The following FLACC1 variants were observed in gnomAD, a reference collection of about 807,000 sequenced individuals.
The protein encoded by FLACC1 is flagellum-associated coiled-coil domain-containing protein 1.
A neutral mutation model predicts 62.8 loss-of-function variants in FLACC1; 66 were observed. The observed-to-expected ratio is 1.05, with a 90% confidence interval of 0.86 to 1.29. The LOEUF (loss-of-function observed/expected upper bound fraction) is 1.29, where lower values mean the gene tolerates loss of function less well. Among genes scored for constraint, FLACC1 ranks in the 50% most tolerant of loss-of-function variants. FLACC1 has a pLI of 0.00. For missense variants in FLACC1, 452 were observed against 489.1 expected, an observed-to-expected ratio of 0.92 and a Z score of 0.71; for synonymous variants, 156 against 161.0, an observed-to-expected ratio of 0.97 and a Z score of 0.24.
intron 4 of FLACC1, 122 bp downstream of exon 4, chr2:201,348,132 C>T: frequency 1.0e-6 from 1 of 979,060 alleles, no homozygotes. Context: ...TTAACAGCAC[C>T]TCCTCCCAGG....
intron 7 of FLACC1, 138 bp from the exon 8 acceptor site, chr2:201,330,971 CTTTT>C (rs375781288): frequency 9.1e-4 from 385 of 423,886 alleles, no homozygotes; most frequent in East Asian, 1.0e-3. Flanking sequence ...ATTTTTAAAT[CTTTT>C]TTTTTTTTTT....
Position 201,289,691 on chromosome 2 carries a change from C to G in FLACC1, c.1032+5G>C. 1 of 1,613,456 alleles carries G rather than the reference C, an allele frequency of 6.2e-7. No homozygotes were observed. The highest frequency in any genetic ancestry group is 1.1e-5 in the South Asian group (1 of 90,996). ...ACCCCCATCCCCACTCCAGTAGGGA[C>G]TCACCTCTTTCTGGAGTTCCAACTG... On this transcript the variant is annotated splice_donor_5th_base_variant and intron_variant, in intron 13 of 14. Transcript: ENST00000392257.
intron 9 of FLACC1, among the ~76,000 whole-genome samples, chr2:201,328,495 G>A (rs895941446): frequency 1.3e-5 from 2 of 152,076 alleles, no homozygotes; most frequent in Middle Eastern, 3.4e-3. Flanking sequence ...GCACGATCTC[G>A]GCTCACTGCA....
At chr2:201,344,308 C>T in intron 5 of FLACC1, 45 bp from the exon 6 acceptor site, 1 of 1,515,724 alleles carries the variant, frequency 6.6e-7, no homozygotes, top group Non-Finnish European at 9.2e-7. Context: ...GCTTACCATT[C>T]CATGCCATTC....
chr2:201,346,842 G>A lies in FLACC1; in HGVS notation c.235-167C>T, dbSNP rs528539144. Among the ~76,000 whole-genome samples, 4 of 152,206 alleles carry A rather than the reference G, an allele frequency of 2.6e-5. No individual in the cohort carries two copies. Among genetic ancestry groups the A allele is most frequent in the South Asian group, 2.1e-4 (1 of 4,820 alleles). Reference sequence around the variant, plus strand: ...TTATAGCTCATTCTCACATCTCTCCGACTCAAATCTGATGCTTAGCAGGCT... The same window carrying A: ...TTATAGCTCATTCTCACATCTCTCCAACTCAAATCTGATGCTTAGCAGGCT... On this transcript the variant is annotated intron_variant, in intron 4 of 14. Transcript: ENST00000392257. This position sits in a 1 kb window ranked among gnomAD's most constrained non-coding sequence, Gnocchi z 4.0.
intron 12 of FLACC1, among the ~76,000 whole-genome samples, chr2:201,297,559 C>T (rs1389448446): frequency 6.6e-6 from 1 of 152,180 alleles, no homozygotes; most frequent in African/African-American, 2.4e-5. Flanking sequence ...AATGATCAAT[C>T]GCACCTGATA....
chr2:201,306,063 C>A (rs1462972538), intron 11 of FLACC1, among the ~76,000 whole-genome samples: 3 of 150,378 alleles, frequency 2.0e-5, no homozygotes, highest in Non-Finnish European at 4.4e-5. Flanking sequence ...TGCACATGTA[C>A]CCTGGAACTT....
At chr2:201,289,920 T>C in intron 12 of FLACC1, 135 bp from the exon 13 acceptor site, 1 of 1,499,412 alleles carries the variant, frequency 6.7e-7, no homozygotes, top group South Asian at 1.2e-5. Context: ...TCACACCCTG[T>C]CAGTCCTGCC....
intron 7 of FLACC1, among the ~76,000 whole-genome samples, chr2:201,339,800 T>A (rs1264523948): frequency 3.3e-5 from 5 of 152,208 alleles, no homozygotes; most frequent in Non-Finnish European, 5.9e-5. Context: ...TATGCTGGCA[T>A]TAAGTATTAG....
chr2:201,309,905 C>CAAAAAAAAAAAAAAAAAAAAAAAAAAAA (rs1161849891), intron 9 of FLACC1, among the ~76,000 whole-genome samples: 1 of 44,670 alleles, frequency 2.2e-5, no homozygotes. Context: ...GACTCTGTCT[C>CAAAAAAAAAAAAAAAAAAAAAAAAAAAA]AAAAAAAAAA....
rs374138105 is a variant in FLACC1 at position 201,326,351 on chromosome 2, G to A, written c.675+4119C>T. On this transcript the variant is annotated intron_variant, in intron 9 of 14. Transcript: ENST00000392257. The surrounding 1 kb of genome is among the most constrained non-coding windows in gnomAD (Gnocchi z 4.1). ...TAGACAGGAGAAAGAAATAAAGGGC[G>A]TCCAAATTGGAAAAGAAGAAGTCAA... is the stretch of plus-strand genomic sequence containing the variant. Among the ~76,000 whole-genome samples, 9 of 152,124 alleles carry A rather than the reference G, an allele frequency of 5.9e-5. No individual in the cohort carries two copies. Among genetic ancestry groups the A allele is most frequent in the African/African-American group, 1.7e-4 (7 of 41,418 alleles).
intron 9 of FLACC1, among the ~76,000 whole-genome samples, chr2:201,327,005 C>G (rs1357336547): frequency 2.0e-5 from 3 of 152,068 alleles, no homozygotes; most frequent in Admixed American, 6.6e-5. Context: ...AACAGAAAAC[C>G]CAGAAATGAA....
intron 11 of FLACC1, among the ~76,000 whole-genome samples, chr2:201,300,821 G>A (rs1949965743): frequency 6.6e-6 from 1 of 152,312 alleles, no homozygotes; most frequent in Admixed American, 6.5e-5. Context: ...AGGGTCTGGA[G>A]TGGACCTCCA....
At chr2:201,330,049 C>T (rs535090878) in intron 9 of FLACC1, among the ~76,000 whole-genome samples, 1 of 152,080 alleles carries the variant, frequency 6.6e-6, no homozygotes, top group Admixed American at 6.6e-5. Flanking sequence ...AATATCAAGT[C>T]ATTATAAAGG....
intron 1 of FLACC1, among the ~76,000 whole-genome samples, chr2:201,353,428 AATAG>A (rs892696089): frequency 7.9e-5 from 12 of 152,338 alleles, no homozygotes; most frequent in African/African-American, 2.9e-4. Context: ...ATTCCAAAGA[AATAG>A]ATAGCAGAGT....
chr2:201,329,128 C>A (rs1389535113), intron 9 of FLACC1, among the ~76,000 whole-genome samples: 1 of 152,008 alleles, frequency 6.6e-6, no homozygotes, highest in African/African-American at 2.4e-5. Context: ...TATTTCTTGT[C>A]ATAAATAGAA....
intron 6 of FLACC1, 104 bp from the exon 7 acceptor site, chr2:201,342,535 C>A (rs1440405272): frequency 1.8e-6 from 2 of 1,136,032 alleles, no homozygotes; most frequent in Non-Finnish European, 2.6e-6. Flanking sequence ...AGCCGCCTTC[C>A]AATTCATGGG....
rs781596416 is a variant in FLACC1, at chr2:201,299,272, G to A, written c.908C>T (p.Thr303Ile). ...EELLKQHQSD[T>I]LQLEELRKTK... is the part of the protein sequence containing the mutation. ...TTTTCTCAGCTCTTCTAATTGCAAGGTGTCACTTTGATGTTGTTTCAAGAG... is the reference window on the plus strand; with the variant it reads ...TTTTCTCAGCTCTTCTAATTGCAAGATGTCACTTTGATGTTGTTTCAAGAG... The change falls in exon 12 of 15, where the codon ACC (threonine) becomes ATC (isoleucine). Residue 303 changes from threonine to isoleucine, a missense_variant. By Grantham distance (89) the Thr-to-Ile change is moderately conservative. This residue lies in a region of FLACC1 where 301 missense variants were observed against 318.4 expected (regional missense o/e 0.95). Transcript: ENST00000392257. 13 of 1,613,674 alleles carry A rather than the reference G, an allele frequency of 8.1e-6. No homozygotes were observed. The highest frequency in any genetic ancestry group is 2.2e-5 in the South Asian group (2 of 91,040).
chr2:201,343,883 A>C (rs1464063998), intron 6 of FLACC1, among the ~76,000 whole-genome samples: 1 of 152,220 alleles, frequency 6.6e-6, no homozygotes, highest in East Asian at 1.9e-4. Flanking sequence ...CAACAAGTGC[A>C]CCCTAGTGTG....
Sources: gnomAD v4.1 joint callset for allele counts (sites outside exome capture counted in the v4.1 genomes callset) on GRCh38, gnomAD v4.1.1 for gene constraint, gnomAD v4.1.1 regional missense constraint, Gnocchi (gnomAD v3.1) non-coding constraint, MANE v1.5 for transcripts, NCBI Gene and HGNC (gene_info 2026-07-23, HGNC 2026-07-21) for gene names.